ATP6V0A4: variants seen among roughly 807,000 people sequenced by gnomAD.
ATP6V0A4 encodes the protein ATPase H+ transporting V0 subunit a4, also known as V-type proton ATPase 116 kDa subunit a 4.
ATP6V0A4 carries 86 observed loss-of-function variants against 107.3 expected under a neutral mutation model. That is an observed-to-expected ratio of 0.80 (90% CI 0.67 to 0.96). The LOEUF (loss-of-function observed/expected upper bound fraction) is 0.96. Ranked by LOEUF, ATP6V0A4 falls within the 40% of genes least tolerant of loss-of-function variation. The probability of loss-of-function intolerance (pLI) is 0.00; values close to 1 mark genes in which losing one functional copy is unlikely to be tolerated. For synonymous variants in ATP6V0A4, 353 were observed against 381.4 expected (o/e 0.93, Z 0.87); for missense variants, 908 against 1,045.6 (o/e 0.87, Z 1.81).
At chr7:138,726,703 C>T (rs187865730) in intron 18 of ATP6V0A4, among the ~76,000 whole-genome samples, 6 of 152,242 alleles carry the variant, frequency 3.9e-5, no homozygotes, top group East Asian at 3.9e-4. Context: ...GTTTCCGACA[C>T]GAAAAGGACC....
chr7:138,742,900 C>CAAAAAAAAA (rs563017805), intron 14 of ATP6V0A4, among the ~76,000 whole-genome samples: 1 of 131,682 alleles, frequency 7.6e-6, no homozygotes, highest in Non-Finnish European at 1.6e-5. Context: ...AATTGCAAAG[C>CAAAAAAAAA]AAAAAAAAAA....
At chr7:138,726,642 A>G (rs1449179730) in intron 18 of ATP6V0A4, among the ~76,000 whole-genome samples, 2 of 152,194 alleles carry the variant, frequency 1.3e-5, no homozygotes, top group Non-Finnish European at 2.9e-5. Flanking sequence ...AGAGGTGGAG[A>G]AGGGGCAAAT....
chr7:138,785,819 T>C (rs1349633523), intron 2 of ATP6V0A4, among the ~76,000 whole-genome samples: 1 of 152,158 alleles, frequency 6.6e-6, no homozygotes, highest in Non-Finnish European at 1.5e-5. Context: ...AGTTCATGAA[T>C]CAGCACACTG....
intron 17 of ATP6V0A4, among the ~76,000 whole-genome samples, chr7:138,729,557 T>C (rs1216497935): frequency 4.6e-5 from 7 of 152,084 alleles, no homozygotes; most frequent in Non-Finnish European, 1.0e-4. Flanking sequence ...GGAGTCCCTG[T>C]TATATTCCTG....
At chr7:138,741,621 C>T (rs776694191) in intron 14 of ATP6V0A4, among the ~76,000 whole-genome samples, 4 of 152,182 alleles carry the variant, frequency 2.6e-5, no homozygotes, top group Middle Eastern at 3.2e-3. Context: ...AAGAAGGACA[C>T]GGTCCAAACC....
intron 17 of ATP6V0A4, among the ~76,000 whole-genome samples, chr7:138,731,996 T>C (rs1296165483): frequency 6.6e-6 from 1 of 152,000 alleles, no homozygotes; most frequent in Admixed American, 6.6e-5. Flanking sequence ...AGAGTGGCAA[T>C]AAAGTGCAAC....
intron 11 of ATP6V0A4, among the ~76,000 whole-genome samples, chr7:138,750,971 C>A (rs1806193531): frequency 6.6e-6 from 1 of 152,148 alleles, no homozygotes; most frequent in Non-Finnish European, 1.5e-5. Flanking sequence ...TACTGCAAGG[C>A]CTTTACCTTC....
Position 138,752,798 on chromosome 7 carries a change from G to A in ATP6V0A4, c.856C>T (p.Gln286Ter). The change falls in exon 11 of 22, where the codon CAG becomes TAG. Residue 286 changes from glutamine to a stop codon, truncating the protein, a stop_gained. Transcript: ENST00000310018. LOFTEE classifies it high-confidence loss of function. ...GAGTGCCAGTTGGCAGCGGCTTCCT[G>A]CAGCAGGCGCTGGCGGTGAGACTCT... Reference protein sequence around the residue: ...QTESHRQRLLQEAAANWHSWL... With the variant: ...QTESHRQRLL The A allele has an allele frequency of 6.2e-7, 1 of 1,614,178 alleles. No individual in the cohort carries two copies. The highest frequency in any genetic ancestry group is 8.5e-7 in the Non-Finnish European group (1 of 1,180,032).
At chr7:138,710,435 C>A (rs547466718) in intron 20 of ATP6V0A4, among the ~76,000 whole-genome samples, 3 of 152,174 alleles carry the variant, frequency 2.0e-5, no homozygotes, top group Admixed American at 6.5e-5. Flanking sequence ...CATAATCCAC[C>A]CGCCTCGGCC....
chr7:138,707,125 AT>A (rs1562972282), intron 21 of ATP6V0A4, among the ~76,000 whole-genome samples: 43 of 67,562 alleles, frequency 6.4e-4, no homozygotes, highest in Middle Eastern at 6.9e-3. Flanking sequence ...TATATATAAT[AT>A]TATATATACA....
At chr7:138,741,663 CAA>C (rs1419980457) in intron 14 of ATP6V0A4, among the ~76,000 whole-genome samples, 1 of 152,218 alleles carries the variant, frequency 6.6e-6, no homozygotes, top group Non-Finnish European at 1.5e-5. Flanking sequence ...CGCCTCCTAA[CAA>C]AGGCTAAATC....
chr7:138,796,859 C>A (rs1808691676), intron 1 of ATP6V0A4, among the ~76,000 whole-genome samples: 1 of 150,176 alleles, frequency 6.7e-6, no homozygotes, highest in South Asian at 2.1e-4. Context: ...AGGATGAGAC[C>A]TTTTATATAC....
At chr7:138,780,937 A>G (rs1186789415) in intron 2 of ATP6V0A4, among the ~76,000 whole-genome samples, 2 of 152,176 alleles carry the variant, frequency 1.3e-5, no homozygotes, top group East Asian at 1.9e-4. Flanking sequence ...ATTAAAAAAA[A>G]GAAATTTCAC....
chr7:138,757,985 C>A (rs1324432093), intron 8 of ATP6V0A4, among the ~76,000 whole-genome samples: 1 of 152,114 alleles, frequency 6.6e-6, no homozygotes, highest in Non-Finnish European at 1.5e-5. Flanking sequence ...TGGAGTCTAC[C>A]CTGGTCCTTT....
At chr7:138,796,684 G>A (rs537356605) in intron 1 of ATP6V0A4, among the ~76,000 whole-genome samples, 1 of 128,420 alleles carries the variant, frequency 7.8e-6, no homozygotes, top group African/African-American at 2.8e-5. Context: ...TACCTCTCAG[G>A]CAGAGTTCAT....
At chr7:138,792,237 G>A (rs1808451718) in intron 1 of ATP6V0A4, among the ~76,000 whole-genome samples, 1 of 152,154 alleles carries the variant, frequency 6.6e-6, no homozygotes, top group Non-Finnish European at 1.5e-5. Flanking sequence ...GAACCCAGGA[G>A]GCAGCTTGCA....
intron 11 of ATP6V0A4, among the ~76,000 whole-genome samples, chr7:138,751,627 C>A (rs1377694227): frequency 6.6e-6 from 1 of 151,740 alleles, no homozygotes; most frequent in Non-Finnish European, 1.5e-5. Context: ...AGGGTCTTGG[C>A]CTGCCAGTGT....
intron 20 of ATP6V0A4, 89 bp downstream of exon 20, chr7:138,715,675 A>T: frequency 6.6e-7 from 1 of 1,516,698 alleles, no homozygotes; most frequent in Non-Finnish European, 9.1e-7. Context: ...AATAGCTCGG[A>T]GAAGTCACCT....
intron 1 of ATP6V0A4, among the ~76,000 whole-genome samples, chr7:138,797,034 A>C: frequency 6.6e-6 from 1 of 151,528 alleles, no homozygotes; most frequent in East Asian, 1.9e-4. Flanking sequence ...TTGCCTCCCC[A>C]CCTCACATGC....
Sources: allele counts gnomAD v4.1 joint callset (sites outside exome capture counted in the v4.1 genomes callset), GRCh38; gene constraint gnomAD v4.1.1; transcripts MANE v1.5; gene names NCBI Gene and HGNC (gene_info 2026-07-23, HGNC 2026-07-21).